Variants in RRAS2 observed in about 807,000 individuals in gnomAD.
RRAS2 encodes ras-related protein R-Ras2.
RRAS2 carries 7 observed loss-of-function variants against 27.6 expected under a neutral mutation model. The ratio of observed to expected loss-of-function variants is 0.25; its 90% CI spans 0.14 to 0.48. The LOEUF (loss-of-function observed/expected upper bound fraction) is 0.48. Among genes scored for constraint, RRAS2 ranks in the 20% least tolerant of loss-of-function variants. RRAS2 has a pLI of 0.99. For missense variants in RRAS2, 178 were observed against 256.2 expected, an observed-to-expected ratio of 0.69 and a Z score of 2.08; for synonymous variants, 86 against 90.9, an observed-to-expected ratio of 0.95 and a Z score of 0.31.
intron 2 of RRAS2, among the ~76,000 whole-genome samples, 166 bp from the exon 3 acceptor site, chr11:14,295,028 T>C (rs1267682470): frequency 6.6e-6 from 1 of 152,202 alleles, no homozygotes; most frequent in Non-Finnish European, 1.5e-5. Flanking sequence ...GGCAAATATA[T>C]TCTAATGGCA....
chr11:14,325,686 CT>C (rs1359691461), intron 1 of RRAS2, among the ~76,000 whole-genome samples: 1 of 152,082 alleles, frequency 6.6e-6, no homozygotes, highest in Non-Finnish European at 1.5e-5. Context: ...ATTTTCAGAT[CT>C]GGAAATATAG....
At chr11:14,297,902 CA>C (rs1847597002) in intron 1 of RRAS2, among the ~76,000 whole-genome samples, 2 of 150,950 alleles carry the variant, frequency 1.3e-5, no homozygotes, top group East Asian at 3.9e-4. Flanking sequence ...AAATGTTCAC[CA>C]ACAGCAGTAA....
intron 1 of RRAS2, among the ~76,000 whole-genome samples, chr11:14,329,721 A>G (rs1318545258): frequency 6.6e-6 from 1 of 152,188 alleles, no homozygotes; most frequent in Non-Finnish European, 1.5e-5. Flanking sequence ...AAAGACTTAA[A>G]TTTTAAATAT....
intron 1 of RRAS2, among the ~76,000 whole-genome samples, chr11:14,314,175 C>T (rs563842646): frequency 2.6e-5 from 4 of 152,150 alleles, no homozygotes; most frequent in African/African-American, 7.2e-5. Context: ...TAATGTCCAT[C>T]ATTAAATGCC....
At chr11:14,348,220 T>C (rs1369938543) in intron 1 of RRAS2, among the ~76,000 whole-genome samples, 1 of 152,202 alleles carries the variant, frequency 6.6e-6, no homozygotes, top group African/African-American at 2.4e-5. Flanking sequence ...CTCATTATTA[T>C]TATGTAGAGT....
At chr11:14,342,817 T>C (rs1554953444) in intron 1 of RRAS2, among the ~76,000 whole-genome samples, 1 of 152,218 alleles carries the variant, frequency 6.6e-6, no homozygotes, top group Non-Finnish European at 1.5e-5. Flanking sequence ...TTGTCTCATA[T>C]ACATATTTCA....
chr11:14,288,099 G>C (rs1591444332), intron 4 of RRAS2, among the ~76,000 whole-genome samples: 1 of 152,112 alleles, frequency 6.6e-6, no homozygotes, highest in Non-Finnish European at 1.5e-5. Flanking sequence ...TCCCACATCA[G>C]CCTCTTGAGT....
intron 1 of RRAS2, among the ~76,000 whole-genome samples, chr11:14,319,788 A>C (rs1297031799): frequency 2.0e-5 from 3 of 152,222 alleles, no homozygotes; most frequent in Non-Finnish European, 4.4e-5. Flanking sequence ...TGATAAACCT[A>C]CCTAAAAGAC....
intron 1 of RRAS2, among the ~76,000 whole-genome samples, chr11:14,344,069 G>A (rs1009226612): frequency 3.9e-5 from 6 of 151,964 alleles, no homozygotes; most frequent in Non-Finnish European, 5.9e-5. Context: ...CTTAAGCCGG[G>A]GACATCAAGG....
intron 1 of RRAS2, among the ~76,000 whole-genome samples, chr11:14,304,849 T>C (rs1847796805): frequency 6.6e-6 from 1 of 152,244 alleles, no homozygotes; most frequent in South Asian, 2.1e-4. Flanking sequence ...AGCTGTCATG[T>C]CACAGAGAAC....
At chr11:14,303,355 T>A (rs1432610923) in intron 1 of RRAS2, among the ~76,000 whole-genome samples, 1 of 152,214 alleles carries the variant, frequency 6.6e-6, no homozygotes, top group East Asian at 1.9e-4. Context: ...AAACTTTCCC[T>A]CCAAGCCCCT....
chr11:14,324,831 T>C (rs1848314642), intron 1 of RRAS2, among the ~76,000 whole-genome samples: 1 of 152,034 alleles, frequency 6.6e-6, no homozygotes, highest in Non-Finnish European at 1.5e-5. Flanking sequence ...ACAGAAGGCC[T>C]AAAAATAAAT....
intron 1 of RRAS2, among the ~76,000 whole-genome samples, chr11:14,327,635 G>C (rs1848390552): frequency 6.6e-6 from 1 of 152,066 alleles, no homozygotes; most frequent in South Asian, 2.1e-4. Flanking sequence ...TTGTATGACT[G>C]CTACCAGAAT....
At chr11:14,347,966 G>A (rs782800357) in intron 1 of RRAS2, among the ~76,000 whole-genome samples, 1 of 152,074 alleles carries the variant, frequency 6.6e-6, no homozygotes, top group Non-Finnish European at 1.5e-5. Flanking sequence ...AAGGGAGGAA[G>A]TTATTATGCT....
intron 4 of RRAS2, among the ~76,000 whole-genome samples, chr11:14,292,680 T>G (rs1333560678): frequency 6.6e-6 from 1 of 152,214 alleles, no homozygotes. Flanking sequence ...AAACAGTTTA[T>G]ATTGATTTGA....
chr11:14,335,502 T>C (rs2134015810), intron 1 of RRAS2, among the ~76,000 whole-genome samples: 1 of 152,310 alleles, frequency 6.6e-6, no homozygotes, highest in African/African-American at 2.4e-5. Flanking sequence ...TATCAATCTA[T>C]TTTTTGAGCT....
chr11:14,321,054 C>G (rs1554950218), intron 1 of RRAS2, among the ~76,000 whole-genome samples: 3 of 152,046 alleles, frequency 2.0e-5, no homozygotes, highest in Admixed American at 6.6e-5. Context: ...GTGGCAGGCG[C>G]CTGTAATCCC....
chr11:14,345,233 T>A (rs943436298), intron 1 of RRAS2, among the ~76,000 whole-genome samples: 1 of 151,958 alleles, frequency 6.6e-6, no homozygotes, highest in Non-Finnish European at 1.5e-5. Flanking sequence ...TGATCTGCCC[T>A]ACTCAGCCTC....
intron 5 of RRAS2, 74 bp downstream of exon 5, chr11:14,281,528 C>CATATATATATATATAATATATATATATT (rs1849535312): frequency 7.5e-6 from 9 of 1,199,394 alleles, no homozygotes; most frequent in Non-Finnish European, 1.0e-5. Context: ...GAATCACTTC[C>CATATATATATATATAATATATATATATT]ATATAAAATA....
Sources: allele counts gnomAD v4.1 joint callset (sites outside exome capture counted in the v4.1 genomes callset), GRCh38; gene constraint gnomAD v4.1.1; transcripts MANE v1.5; gene names NCBI Gene and HGNC (gene_info 2026-07-23, HGNC 2026-07-21).